The following ARAP1 variants were observed in gnomAD, a reference collection of about 807,000 sequenced individuals.
ARAP1 encodes arf-GAP with Rho-GAP domain, ANK repeat and PH domain-containing protein 1.
In ARAP1, 76 loss-of-function variants were observed where a neutral mutation model predicts 172.2. The ratio of observed to expected loss-of-function variants is 0.44; its 90% CI spans 0.37 to 0.53. The LOEUF (loss-of-function observed/expected upper bound fraction) is 0.53, where lower values mean the gene tolerates loss of function less well. Among genes scored for constraint, ARAP1 ranks in the 20% least tolerant of loss-of-function variants. The pLI is 0.00. For synonymous variants in ARAP1, 804 were observed against 803.3 expected (o/e 1.00, Z -0.01); for missense variants, 1,686 against 1,977.5 (o/e 0.85, Z 2.80).
intron 1 of ARAP1, among the ~76,000 whole-genome samples, chr11:72,733,409 A>C (rs1203520873): frequency 6.6e-6 from 1 of 152,210 alleles, no homozygotes; most frequent in African/African-American, 2.4e-5. Flanking sequence ...AAGTGGCCTG[A>C]GGGCACAAGT....
Position 72,693,167 on chromosome 11 carries a change from G to T in ARAP1, c.3954+158C>A. On this transcript the variant is annotated intron_variant, in intron 29 of 34. Coordinates refer to ENST00000393609, the MANE Select transcript of ARAP1 (RefSeq NM_001040118.3). The surrounding 1 kb of genome is among the most constrained non-coding windows in gnomAD (Gnocchi z 4.6). ...ACTAGAGTGGCCGTCCAGGGCCACAGCAGGAGGGGTCTTGAGAGTCTACAG... is the reference window on the plus strand; with the variant it reads ...ACTAGAGTGGCCGTCCAGGGCCACATCAGGAGGGGTCTTGAGAGTCTACAG... 1 of 1,186,862 alleles carries T rather than the reference G, an allele frequency of 8.4e-7. No homozygotes were observed. The highest frequency in any genetic ancestry group is 1.2e-6 in the Non-Finnish European group (1 of 866,456). The allele number at this position is 1,186,862 out of a possible 1,614,324, so 73.5% of individuals were successfully genotyped here. A position where few individuals can be genotyped will look rare whatever the true frequency, so the allele number is the denominator to read the frequency against.
chr11:72,702,274 G>A (rs1031978555), intron 15 of ARAP1, among the ~76,000 whole-genome samples: 1 of 152,162 alleles, frequency 6.6e-6, no homozygotes, highest in Non-Finnish European at 1.5e-5. Context: ...TGGACACCTG[G>A]GCTCTCTCCA....
Position 72,695,048 on chromosome 11 carries a change from C to G in ARAP1, c.3626G>C (p.Arg1209Pro). Residue 1209 changes from arginine to proline, a missense_variant, in exon 27 of 35, where the codon CGC becomes CCC. Around this residue, in one of 5 missense-constraint regions of ARAP1, gnomAD observed 379 missense variants for 500.1 expected, o/e 0.76. Coordinates refer to ENST00000393609, the MANE Select transcript of ARAP1 (RefSeq NM_001040118.3). This position sits in a 1 kb window ranked among gnomAD's most constrained non-coding sequence, Gnocchi z 4.4. ...CTTCTCCCTGATGCCCACGTTCCGG[C>G]GATCCAGGATCTCCAGGGTGAGCTC... ...AEELTLEILD[R>P]RNVGIREKDY... 1 of 1,614,112 alleles carries G rather than the reference C, an allele frequency of 6.2e-7. No homozygotes were observed. The highest frequency in any genetic ancestry group is 1.1e-5 in the South Asian group (1 of 91,082).
chr11:72,724,907 G>A (rs1030216373), intron 3 of ARAP1, among the ~76,000 whole-genome samples: 3 of 152,156 alleles, frequency 2.0e-5, no homozygotes, highest in African/African-American at 7.2e-5. Context: ...TTGCCTAAAT[G>A]GCTATGTTCA....
chr11:72,722,272 C>G (rs1180389360), intron 3 of ARAP1: 18 of 985,462 alleles, frequency 1.8e-5, no homozygotes, highest in Admixed American at 6.2e-5. Context: ...TCTGGTCTCC[C>G]GGAGGCTTCC....
chr11:72,709,045 C>CAAAAAA (rs34249967), intron 11 of ARAP1, among the ~76,000 whole-genome samples: 4 of 50,284 alleles, frequency 8.0e-5, no homozygotes, highest in African/African-American at 6.6e-5. Context: ...TCTCAAAAAG[C>CAAAAAA]AAAAAAAAAA....
chr11:72,727,940 T>C (rs896959334), intron 2 of ARAP1, among the ~76,000 whole-genome samples: 4 of 152,204 alleles, frequency 2.6e-5, no homozygotes, highest in African/African-American at 9.7e-5. Flanking sequence ...AAGAGGTGAT[T>C]AGCAGATCAA....
In ARAP1 at chr11:72,698,029, G is replaced by A; in HGVS notation, c.2619C>T (p.Gly873=). Residue 873 remains glycine (G), a synonymous_variant, in exon 19 of 35, where the codon GGC becomes GGT. Coordinates refer to ENST00000393609, the MANE Select transcript of ARAP1 (RefSeq NM_001040118.3). ...ERLGRLPYKA[G]LSLQRAQEGW... ...CCTCCTGGGCCCGCTGTAGGCTCAG[G>A]CCAGCTTTGTAGGGTAGGCGTCCCA... 6.2e-7 allele frequency: 1 copy of A among 1,609,744 alleles called. No individual in the cohort carries two copies. Among genetic ancestry groups the A allele is most frequent in the Non-Finnish European group, 8.5e-7 (1 of 1,178,422 alleles).
At position 72,712,951 on chromosome 11, in the gene ARAP1, C is replaced by T. The variant is rs1410493361; in HGVS notation, c.747+225G>A. On this transcript the variant is annotated intron_variant, in intron 5 of 34. Transcript: ENST00000393609. Reference sequence around the variant, plus strand: ...GGGAGGCCACATGCCCACCCACATACAGCCAGGGCCTGGGGGAGCCACACC... The same window carrying T: ...GGGAGGCCACATGCCCACCCACATATAGCCAGGGCCTGGGGGAGCCACACC... The T allele has an allele frequency of 2.5e-5, 15 of 607,622 alleles. No homozygotes were observed. In the East Asian group the frequency reaches 2.5e-4, roughly 10 times the overall value. 37.6% of individuals were successfully genotyped at this position (607,622 alleles called of 1,614,324 possible). A position where few individuals can be genotyped will look rare whatever the true frequency, so the allele number is the denominator to read the frequency against.
Position 72,695,351 on chromosome 11 carries a change from T to C in ARAP1, c.3576+36A>G, listed in dbSNP as rs769298080. 43 of 1,613,648 alleles carry C rather than the reference T, an allele frequency of 2.7e-5. No individual in the cohort carries two copies. The highest frequency in any genetic ancestry group is 3.3e-4 in the Middle Eastern group (2 of 6,062). On this transcript the variant is annotated intron_variant, in intron 26 of 34. Transcript: ENST00000393609. This position sits in a 1 kb window ranked among gnomAD's most constrained non-coding sequence, Gnocchi z 4.4. ...GAGCCTGTACCTGGCCCAGCCTGAT[T>C]CTCTAGCCCCTTGGCTTCTAGGTCC... is the stretch of plus-strand genomic sequence containing the variant.
chr11:72,717,126 C>T (rs1049508535), intron 3 of ARAP1, among the ~76,000 whole-genome samples: 1 of 152,140 alleles, frequency 6.6e-6, no homozygotes, highest in Non-Finnish European at 1.5e-5. Flanking sequence ...GATGACCAAG[C>T]AACTGAGGGA....
intron 21 of ARAP1, 49 bp downstream of exon 21, chr11:72,697,254 CGCGCAGCTCTGGGGCGGGAG>C (rs1856247310): frequency 3.8e-6 from 6 of 1,580,850 alleles, no homozygotes; most frequent in Middle Eastern, 1.7e-4. Context: ...GGGGCGGGGC[CGCGCAGCTCTGGGGCGGGAG>C]GCGGCTCTCC....
chr11:72,694,911 G>T, intron 27 of ARAP1, 69 bp downstream of exon 27: 1 of 1,396,266 alleles, frequency 7.2e-7, no homozygotes. Context: ...GGTAGGGGAG[G>T]ACAGACTGGG....
chr11:72,741,967 T>C lies in ARAP1; in HGVS notation c.-127-9370A>G, dbSNP rs1858212568. On this transcript the variant is annotated intron_variant, in intron 1 of 34. Transcript: ENST00000393609. This position sits in a 1 kb window ranked among gnomAD's most constrained non-coding sequence, Gnocchi z 4.5. ...GACCCAGACCTGCCTACTCTCTAGATGGCCCCTGGAATGCAGAAGACAGAA... is the reference window on the plus strand; with the variant it reads ...GACCCAGACCTGCCTACTCTCTAGACGGCCCCTGGAATGCAGAAGACAGAA... 6.6e-6 allele frequency among the ~76,000 whole-genome samples: 1 copy of C among 152,056 alleles called. No individual in the cohort carries two copies. The highest frequency in any genetic ancestry group is 2.4e-5 in the African/African-American group (1 of 41,384).
intron 4 of ARAP1, 87 bp from the exon 5 acceptor site, chr11:72,713,330 C>G: frequency 7.8e-7 from 1 of 1,280,816 alleles, no homozygotes; most frequent in Non-Finnish European, 1.1e-6. Flanking sequence ...AAAGCCTCCC[C>G]CATGCCAAGA....
chr11:72,692,702 T>G, intron 30 of ARAP1, 51 bp downstream of exon 30: 1 of 1,611,986 alleles, frequency 6.2e-7, no homozygotes, highest in Non-Finnish European at 8.5e-7. Context: ...CCCAGCTCAT[T>G]TGGCCCCCAG....
chr11:72,696,713 G>A (rs773113010), intron 22 of ARAP1, 59 bp from the exon 23 acceptor site: 325 of 1,414,898 alleles, frequency 2.3e-4, no homozygotes, highest in Middle Eastern at 3.7e-4. Context: ...CCCCCACCCC[G>A]CCTGGGCTGC....
chr11:72,688,131 G>A (rs905155111), intron 31 of ARAP1, among the ~76,000 whole-genome samples: 7 of 151,868 alleles, frequency 4.6e-5, no homozygotes, highest in South Asian at 4.2e-4. Flanking sequence ...CCTGAGTAGC[G>A]CGCCACCAAA....
chr11:72,705,500 G>T, intron 13 of ARAP1: 2 of 334,156 alleles, frequency 6.0e-6, no homozygotes, highest in Non-Finnish European at 1.1e-5. Context: ...TTTCTCTAAA[G>T]GGCGAAATAG....
Sources: gnomAD v4.1 joint callset for allele counts (sites outside exome capture counted in the v4.1 genomes callset) on GRCh38, gnomAD v4.1.1 for gene constraint, gnomAD v4.1.1 regional missense constraint, Gnocchi (gnomAD v3.1) non-coding constraint, MANE v1.5 for transcripts, NCBI Gene and HGNC (gene_info 2026-07-23, HGNC 2026-07-21) for gene names.